Variants in STK24 observed in about 807,000 individuals in gnomAD.
STK24 encodes the protein serine/threonine kinase 24.
A neutral mutation model predicts 55.6 loss-of-function variants in STK24; 21 were observed. The observed-to-expected ratio is 0.38, with a 90% CI of 0.27 to 0.54. STK24 has a LOEUF of 0.54. STK24 is among the 20% of genes least tolerant of loss of function. The pLI is 0.79. For missense variants in STK24, 383 were observed against 538.4 expected (o/e 0.71, Z 2.86); for synonymous variants, 200 against 215.2 (o/e 0.93, Z 0.62).
At chr13:98,459,717 T>C (rs1170366594) in intron 9 of STK24, among the ~76,000 whole-genome samples, 1 of 152,234 alleles carries the variant, frequency 6.6e-6, no homozygotes, top group Non-Finnish European at 1.5e-5. Flanking sequence ...TGGCCCACAG[T>C]GAGTACCTCA....
At chr13:98,474,635 G>A (rs1894294571) in intron 5 of STK24, among the ~76,000 whole-genome samples, 186 bp downstream of exon 5, 1 of 152,154 alleles carries the variant, frequency 6.6e-6, no homozygotes, top group Non-Finnish European at 1.5e-5. Context: ...TCAGCACAGG[G>A]TATTAAATGA....
chr13:98,546,138 A>G (rs1290001011), intron 1 of STK24, among the ~76,000 whole-genome samples: 3 of 152,216 alleles, frequency 2.0e-5, no homozygotes, highest in Non-Finnish European at 4.4e-5. Context: ...CCGCTGCGGC[A>G]AAGGCTGGGC....
At chr13:98,473,273 G>GA (rs1279445066) in intron 5 of STK24, among the ~76,000 whole-genome samples, 1 of 118,244 alleles carries the variant, frequency 8.5e-6, no homozygotes, top group African/African-American at 3.3e-5. Context: ...AGGAAGGAAA[G>GA]GGGAAAGGAA....
At chr13:98,530,391 A>G (rs542960113) in intron 1 of STK24, among the ~76,000 whole-genome samples, 1 of 152,182 alleles carries the variant, frequency 6.6e-6, no homozygotes, top group Non-Finnish European at 1.5e-5. Context: ...AGTCAGAGGT[A>G]ATGACACTCT....
At chr13:98,533,071 A>G (rs1326242036) in intron 1 of STK24, among the ~76,000 whole-genome samples, 1 of 152,246 alleles carries the variant, frequency 6.6e-6, no homozygotes, top group Non-Finnish European at 1.5e-5. Context: ...TGCAAAGTCT[A>G]GGTCTACACA....
chr13:98,489,972 G>T (rs928084222), intron 2 of STK24, among the ~76,000 whole-genome samples: 1 of 152,210 alleles, frequency 6.6e-6, no homozygotes, highest in Non-Finnish European at 1.5e-5. Flanking sequence ...GTCAGGGAAA[G>T]GCCCAAAACG....
intron 2 of STK24, among the ~76,000 whole-genome samples, chr13:98,488,349 C>T (rs1566364122): frequency 1.3e-5 from 2 of 152,198 alleles, no homozygotes; most frequent in Non-Finnish European, 2.9e-5. Flanking sequence ...TGCGCTACTT[C>T]GTTCTGGCAG....
chr13:98,512,363 G>C (rs554242197), intron 2 of STK24, among the ~76,000 whole-genome samples: 10 of 152,026 alleles, frequency 6.6e-5, no homozygotes, highest in Non-Finnish European at 1.3e-4. Flanking sequence ...ACTCTTACCT[G>C]AGGTCCATAA....
At chr13:98,541,015 A>ACTT (rs1896874521) in intron 1 of STK24, among the ~76,000 whole-genome samples, 1 of 152,142 alleles carries the variant, frequency 6.6e-6, no homozygotes, top group Non-Finnish European at 1.5e-5. Flanking sequence ...AGGAGACAAA[A>ACTT]TAAGGGTTAT....
chr13:98,480,732 A>G (rs1306839188), intron 3 of STK24, among the ~76,000 whole-genome samples: 5 of 152,224 alleles, frequency 3.3e-5, no homozygotes, highest in African/African-American at 1.2e-4. Flanking sequence ...TATTACTGTG[A>G]GAAAAAAGTT....
chr13:98,466,231 GTCAA>G (rs1893919813), intron 6 of STK24, 141 bp downstream of exon 6: 8 of 692,982 alleles, frequency 1.2e-5, no homozygotes, highest in Non-Finnish European at 1.7e-5. Flanking sequence ...AACCAAAGAA[GTCAA>G]TCATACTTAC....
At chr13:98,484,619 G>A (rs544153408) in intron 2 of STK24, among the ~76,000 whole-genome samples, 2 of 152,224 alleles carry the variant, frequency 1.3e-5, no homozygotes, top group Admixed American at 6.5e-5. Context: ...TCCTCAGTTC[G>A]CTGCTCTCTC....
rs199946466 is a variant in STK24 at position 98,575,069 on chromosome 13, CT to C, written c.42+1675del. Among the ~76,000 whole-genome samples the C allele has an allele frequency of 3.8e-3, 584 of 151,772 alleles. 4 individuals are homozygous for C. The highest frequency in any genetic ancestry group is 0.013 in the African/African-American group (552 of 41,372). On this transcript the variant is annotated intron_variant, in intron 1 of 10. Transcript: ENST00000539966. ...CAACCTAAAGGAAATATTGATAAAA[CT>C]TTTTTTTTAAATCATTACAAGAGTC...
At chr13:98,473,927 G>C (rs376570129) in intron 5 of STK24, among the ~76,000 whole-genome samples, 4 of 152,342 alleles carry the variant, frequency 2.6e-5, no homozygotes. Context: ...TGGGTACTGG[G>C]AAGATTTCTG....
intron 2 of STK24, among the ~76,000 whole-genome samples, chr13:98,491,753 GAATA>G (rs1895045838): frequency 6.8e-6 from 1 of 146,922 alleles, no homozygotes; most frequent in Admixed American, 6.7e-5. Context: ...GCAAAGAATA[GAATA>G]AAGATACATG....
chr13:98,558,621 A>C (rs1227311525), intron 1 of STK24, among the ~76,000 whole-genome samples: 1 of 152,182 alleles, frequency 6.6e-6, no homozygotes. Context: ...CTTAACTCTT[A>C]AGATTATAGT....
intron 2 of STK24, among the ~76,000 whole-genome samples, chr13:98,499,944 T>C (rs1895388403): frequency 6.6e-6 from 1 of 152,190 alleles, no homozygotes; most frequent in Non-Finnish European, 1.5e-5. Flanking sequence ...AACCCTTTAA[T>C]CCCCTCAATC....
intron 1 of STK24, among the ~76,000 whole-genome samples, chr13:98,529,896 C>T (rs1896536649): frequency 6.6e-6 from 1 of 152,110 alleles, no homozygotes; most frequent in African/African-American, 2.4e-5. Context: ...ATCCACGGAC[C>T]TTTAAAATTG....
At position 98,458,751 on chromosome 13, in the gene STK24, G is replaced by A. The variant is rs552813577; in HGVS notation, c.1123-1447C>T. Among the ~76,000 whole-genome samples the A allele has an allele frequency of 3.3e-5, 5 of 152,318 alleles. No homozygotes were observed. In the South Asian group the frequency reaches 1.0e-3, roughly 32 times the overall value. ...TCCCCTTGCCGTGTGGAACGTGCTGGACCCATCACTGACTTCAGGGAGCAA... is the reference window on the plus strand; with the variant it reads ...TCCCCTTGCCGTGTGGAACGTGCTGAACCCATCACTGACTTCAGGGAGCAA... On this transcript the variant is annotated intron_variant, in intron 9 of 10. Coordinates refer to ENST00000539966, the MANE Select transcript of STK24 (RefSeq NM_001032296.4).
Sources: gnomAD v4.1 joint callset for allele counts (sites outside exome capture counted in the v4.1 genomes callset) on GRCh38, gnomAD v4.1.1 for gene constraint, MANE v1.5 for transcripts, NCBI Gene and HGNC (gene_info 2026-07-23, HGNC 2026-07-21) for gene names.